Variants in GXYLT2 observed in about 807,000 individuals in gnomAD.
GXYLT2 encodes glucoside xylosyltransferase 2.
Under a neutral mutation model 45.8 loss-of-function variants are expected in GXYLT2, and 53 were observed. The observed-to-expected ratio is 1.16, with a 90% confidence interval of 0.93 to 1.46. The LOEUF (loss-of-function observed/expected upper bound fraction) is 1.46. Among genes scored for constraint, GXYLT2 ranks in the 40% most tolerant of loss-of-function variants. The pLI is 0.00. For missense variants in GXYLT2, 551 were observed against 544.4 expected (o/e 1.01, Z -0.12); for synonymous variants, 219 against 214.2 (o/e 1.02, Z -0.19).
intron 3 of GXYLT2, among the ~76,000 whole-genome samples, chr3:72,954,179 C>T (rs1012624355): frequency 6.6e-6 from 1 of 152,072 alleles, no homozygotes; most frequent in African/African-American, 2.4e-5. Context: ...TCTTGGTTCA[C>T]TGGAACCTCC....
chr3:72,952,474 A>G (rs1710547155), intron 3 of GXYLT2, among the ~76,000 whole-genome samples: 3 of 152,126 alleles, frequency 2.0e-5, no homozygotes, highest in Admixed American at 2.0e-4. Flanking sequence ...TGATACTTGT[A>G]TCGTGTAGCA....
intron 5 of GXYLT2, among the ~76,000 whole-genome samples, chr3:72,966,884 C>T (rs1026268761): frequency 6.6e-6 from 1 of 151,398 alleles, no homozygotes; most frequent in South Asian, 2.1e-4. Flanking sequence ...CTTGGCCTCC[C>T]AAAGTGCTGG....
At chr3:72,900,081 G>T (rs1027010885) in intron 1 of GXYLT2, among the ~76,000 whole-genome samples, 4 of 152,214 alleles carry the variant, frequency 2.6e-5, no homozygotes, top group Non-Finnish European at 5.9e-5. Flanking sequence ...TGGCAGAAAA[G>T]AGGGTCTGAG....
Position 72,958,631 on chromosome 3 carries a change from T to G in GXYLT2, c.976+1279T>G, listed in dbSNP as rs1036667050. Among the ~76,000 whole-genome samples the G allele has an allele frequency of 2.5e-4, 16 of 62,764 alleles. No homozygotes were observed. In the East Asian group the frequency reaches 7.6e-3, roughly 30 times the overall value. The allele number at this position is 62,764 out of a possible 152,430, so 41.2% of individuals were successfully genotyped here. Reference sequence around the variant, plus strand: ...ATGTCTTAGCTGTTCACTTGTGGCTTTTTTTTTTTTTTTTTTTTGGGACAG... The same window carrying G: ...ATGTCTTAGCTGTTCACTTGTGGCTGTTTTTTTTTTTTTTTTTTGGGACAG... On this transcript the variant is annotated intron_variant, in intron 5 of 6. Transcript: ENST00000389617.
intron 3 of GXYLT2, among the ~76,000 whole-genome samples, chr3:72,925,180 A>G (rs955773266): frequency 2.0e-5 from 3 of 146,544 alleles, no homozygotes; most frequent in African/African-American, 7.9e-5. Context: ...TTTTTGAGAC[A>G]GAGTCTCACT....
chr3:72,926,725 C>T (rs930079129), intron 3 of GXYLT2, among the ~76,000 whole-genome samples: 1 of 152,068 alleles, frequency 6.6e-6, no homozygotes, highest in African/African-American at 2.4e-5. Flanking sequence ...TTCTGGGAAT[C>T]CTAGAGATAG....
intron 4 of GXYLT2, 150 bp from the exon 5 acceptor site, chr3:72,957,079 G>T: frequency 1.5e-6 from 1 of 675,314 alleles, no homozygotes; most frequent in Non-Finnish European, 2.4e-6. Context: ...CCCAAATTTT[G>T]CTTTGTTCTG....
chr3:72,891,208 C>G (rs529785016), intron 1 of GXYLT2, among the ~76,000 whole-genome samples: 18 of 152,232 alleles, frequency 1.2e-4, no homozygotes, highest in African/African-American at 4.1e-4. Flanking sequence ...GCTACGTGAT[C>G]TCATTTCTCT....
At chr3:72,951,988 C>T (rs1003871589) in intron 3 of GXYLT2, among the ~76,000 whole-genome samples, 1 of 144,140 alleles carries the variant, frequency 6.9e-6, no homozygotes, top group Non-Finnish European at 1.5e-5. Flanking sequence ...ATTATAGGCA[C>T]GTGACACCAT....
chr3:72,897,640 C>T (rs1709319611), intron 1 of GXYLT2, among the ~76,000 whole-genome samples: 1 of 152,078 alleles, frequency 6.6e-6, no homozygotes, highest in Admixed American at 6.5e-5. Flanking sequence ...AAAATGGATG[C>T]CAGTAAGAAA....
At chr3:72,912,831 GA>G (rs1039764343) in intron 2 of GXYLT2, among the ~76,000 whole-genome samples, 3 of 152,154 alleles carry the variant, frequency 2.0e-5, no homozygotes, top group African/African-American at 7.2e-5. Flanking sequence ...CCTGATCCAT[GA>G]AATCTGTAAG....
At chr3:72,932,192 A>G (rs1449555570) in intron 3 of GXYLT2, among the ~76,000 whole-genome samples, 2 of 151,542 alleles carry the variant, frequency 1.3e-5, no homozygotes, top group African/African-American at 4.9e-5. Context: ...AGCTGTGATT[A>G]CAGGTGCCCA....
At chr3:72,928,997 G>T in intron 3 of GXYLT2, 1 of 1,188,204 alleles carries the variant, frequency 8.4e-7, no homozygotes, top group Admixed American at 1.8e-5. Flanking sequence ...GCCCGCCGCC[G>T]CTCCAGCGCC....
At chr3:72,900,589 T>C (rs1467966572) in intron 1 of GXYLT2, among the ~76,000 whole-genome samples, 1 of 151,990 alleles carries the variant, frequency 6.6e-6, no homozygotes, top group African/African-American at 2.4e-5. Context: ...TACTTCTTTT[T>C]GTGTTTTTAG....
chr3:72,967,789 C>A lies in GXYLT2; in HGVS notation c.1149+70C>A, dbSNP rs1461899477. 2.9e-6 allele frequency: 4 copies of A among 1,391,970 alleles called. No individual in the cohort carries two copies. In the African/African-American group the frequency reaches 4.3e-5, roughly 15 times the overall value. 86.2% of individuals were successfully genotyped at this position (1,391,970 alleles called of 1,614,324 possible). ...GAAGCAATATTGGCGCTTTAGTCAC[C>A]TGTCCCTTTGAAGGCCAAATATTCC... On this transcript the variant is annotated intron_variant, in intron 6 of 6. Coordinates refer to ENST00000389617, the MANE Select transcript of GXYLT2 (RefSeq NM_001080393.2).
intron 5 of GXYLT2, among the ~76,000 whole-genome samples, chr3:72,957,867 G>C (rs761315732): frequency 6.6e-6 from 1 of 152,128 alleles, no homozygotes; most frequent in Admixed American, 6.6e-5. Flanking sequence ...ATGATTTGGT[G>C]GGGTAGAGGG....
chr3:72,965,818 C>T (rs1379496167), intron 5 of GXYLT2, among the ~76,000 whole-genome samples: 1 of 152,158 alleles, frequency 6.6e-6, no homozygotes, highest in African/African-American at 2.4e-5. Context: ...GGCAAAATTG[C>T]CCCTGGTTGA....
At chr3:72,915,832 CAA>C (rs1194222420) in intron 2 of GXYLT2, among the ~76,000 whole-genome samples, 13 of 124,982 alleles carry the variant, frequency 1.0e-4, no homozygotes, top group Non-Finnish European at 1.2e-4. Flanking sequence ...GACCCTGTCT[CAA>C]AAAAAAAAAA....
chr3:72,961,906 G>C (rs1258843424), intron 5 of GXYLT2, among the ~76,000 whole-genome samples: 1 of 152,164 alleles, frequency 6.6e-6, no homozygotes, highest in Admixed American at 6.6e-5. Flanking sequence ...TCAGGCTAGC[G>C]TAGAGGCAGA....
Sources: allele counts gnomAD v4.1 joint callset (sites outside exome capture counted in the v4.1 genomes callset), GRCh38; gene constraint gnomAD v4.1.1; transcripts MANE v1.5; gene names NCBI Gene and HGNC (gene_info 2026-07-23, HGNC 2026-07-21).